Variants in TENM3 observed in about 807,000 individuals in gnomAD.
TENM3 encodes the protein teneurin-3.
A neutral mutation model predicts 255.1 loss-of-function variants in TENM3; 63 were observed. The ratio of observed to expected loss-of-function variants is 0.25; its 90% CI spans 0.20 to 0.30. The LOEUF (loss-of-function observed/expected upper bound fraction) is 0.30, where lower values mean the gene tolerates loss of function less well. Among genes scored for constraint, TENM3 ranks in the 10% least tolerant of loss-of-function variants. TENM3 has a pLI of 1.00. For synonymous variants in TENM3, 1,306 were observed against 1,322.3 expected (o/e 0.99, Z 0.27); for missense variants, 2,929 against 3,461.1 (o/e 0.85, Z 3.86).
chr4:182,161,688 C>T (rs1351491568), intron 1 of TENM3, among the ~76,000 whole-genome samples: 1 of 106,522 alleles, frequency 9.4e-6, no homozygotes, highest in African/African-American at 3.7e-5. Flanking sequence ...TATATATACA[C>T]AAATATATAT....
At chr4:181,979,002 G>A in the TENM3 span, among the ~76,000 whole-genome samples, 5 of 147,102 alleles carry the variant, frequency 3.4e-5, no homozygotes, top group Non-Finnish European at 7.5e-5. Flanking sequence ...ATAGTTATCT[G>A]TAAAAGGAGA....
chr4:182,634,785 A>C (rs1346670421), intron 5 of TENM3, among the ~76,000 whole-genome samples: 1 of 151,658 alleles, frequency 6.6e-6, no homozygotes, highest in Non-Finnish European at 1.5e-5. Flanking sequence ...AGAAGAGTCC[A>C]TGTTCTGCGT....
chr4:182,368,609 A>T (rs1042533796), intron 3 of TENM3, among the ~76,000 whole-genome samples: 1 of 152,232 alleles, frequency 6.6e-6, no homozygotes, highest in Admixed American at 6.5e-5. Context: ...AGCATAGGCT[A>T]TATAGTGTAG....
the TENM3 span, among the ~76,000 whole-genome samples, chr4:181,777,813 A>G: frequency 6.6e-6 from 1 of 152,152 alleles, no homozygotes; most frequent in African/African-American, 2.4e-5. Flanking sequence ...AATTCACGAC[A>G]GTTGCCCCAT....
the TENM3 span, among the ~76,000 whole-genome samples, chr4:181,680,174 A>T: frequency 1.3e-5 from 2 of 152,190 alleles, no homozygotes; most frequent in Non-Finnish European, 2.9e-5. Flanking sequence ...TTTCTGGGCT[A>T]ATACCCTCCA....
intron 3 of TENM3, among the ~76,000 whole-genome samples, chr4:182,486,527 C>A (rs1050276205): frequency 3.9e-5 from 6 of 152,168 alleles, no homozygotes; most frequent in Non-Finnish European, 7.3e-5. Flanking sequence ...ATAGTCAATG[C>A]TGTTCTCATA....
intron 3 of TENM3, among the ~76,000 whole-genome samples, chr4:182,522,837 T>C (rs1486676482): frequency 6.6e-6 from 1 of 152,238 alleles, no homozygotes; most frequent in Admixed American, 6.5e-5. Flanking sequence ...CTGGATCATA[T>C]GGTAGTTCTA....
At chr4:182,648,882 A>AT (rs1484239446) in intron 5 of TENM3, among the ~76,000 whole-genome samples, 1 of 152,096 alleles carries the variant, frequency 6.6e-6, no homozygotes, top group Non-Finnish European at 1.5e-5. Flanking sequence ...AGATTCATCT[A>AT]TATTGTTGTG....
the TENM3 span, among the ~76,000 whole-genome samples, chr4:181,547,853 A>G: frequency 6.6e-6 from 1 of 151,944 alleles, no homozygotes; most frequent in Non-Finnish European, 1.5e-5. Context: ...CATGTGCACA[A>G]TGTGCAGGTT....
the TENM3 span, among the ~76,000 whole-genome samples, chr4:181,509,318 T>A: frequency 6.6e-6 from 1 of 152,088 alleles, no homozygotes. Context: ...GGATGGAAAA[T>A]TTGAAATGAA....
At chr4:181,983,887 T>C in the TENM3 span, among the ~76,000 whole-genome samples, 2 of 152,152 alleles carry the variant, frequency 1.3e-5, no homozygotes, top group Non-Finnish European at 1.5e-5. Flanking sequence ...AATAAAATAA[T>C]GCAGTGTTTT....
At chr4:182,064,706 T>C in the TENM3 span, among the ~76,000 whole-genome samples, 1 of 152,156 alleles carries the variant, frequency 6.6e-6, no homozygotes, top group Non-Finnish European at 1.5e-5. Flanking sequence ...GTGCAGTTGC[T>C]TGCCCCGGGG....
At chr4:181,588,516 T>C in the TENM3 span, among the ~76,000 whole-genome samples, 1 of 152,068 alleles carries the variant, frequency 6.6e-6, no homozygotes, top group Admixed American at 6.5e-5. Flanking sequence ...ACCACTGTCA[T>C]AGGGAAGGAT....
At chr4:182,114,603 A>C in the TENM3 span, among the ~76,000 whole-genome samples, 1 of 152,148 alleles carries the variant, frequency 6.6e-6, no homozygotes, top group East Asian at 1.9e-4. Flanking sequence ...ACAGACATAG[A>C]TACCTCTATT....
chr4:182,362,419 G>A (rs947096915), intron 3 of TENM3, among the ~76,000 whole-genome samples: 1 of 151,840 alleles, frequency 6.6e-6, no homozygotes, highest in African/African-American at 2.4e-5. Flanking sequence ...AGCAAGCCTG[G>A]GCAATGGTGG....
At chr4:182,582,446 T>A (rs1223661834) in intron 3 of TENM3, among the ~76,000 whole-genome samples, 1 of 152,230 alleles carries the variant, frequency 6.6e-6, no homozygotes, top group Non-Finnish European at 1.5e-5. Flanking sequence ...TAGTGCATGT[T>A]AAGCCTATTG....
chr4:182,685,532 ATTACATATAAT>A (rs978173793), intron 11 of TENM3, among the ~76,000 whole-genome samples: 2 of 152,138 alleles, frequency 1.3e-5, no homozygotes, highest in Non-Finnish European at 1.5e-5. Flanking sequence ...ATATTTTGTA[ATTACATATAAT>A]TTACATATAA....
intron 3 of TENM3, among the ~76,000 whole-genome samples, chr4:182,393,365 G>A (rs116498781): frequency 0.021 from 3,180 of 152,188 alleles, 43 homozygotes; most frequent in Non-Finnish European, 0.032. Flanking sequence ...CATAATATAC[G>A]CATCTTTAGA....
At chr4:182,044,467 T>C in the TENM3 span, among the ~76,000 whole-genome samples, 161 of 152,288 alleles carry the variant, frequency 1.1e-3, 2 homozygotes, top group Middle Eastern at 3.4e-3. Context: ...GCCTAACAAA[T>C]ACTCAGAAAC....
Sources: gnomAD v4.1 joint callset for allele counts (sites outside exome capture counted in the v4.1 genomes callset) on GRCh38, gnomAD v4.1.1 for gene constraint, MANE v1.5 for transcripts, NCBI Gene and HGNC (gene_info 2026-07-23, HGNC 2026-07-21) for gene names.